The following RTN4 variants were observed in gnomAD, a reference collection of about 807,000 sequenced individuals.
The protein encoded by RTN4 is reticulon 4.
RTN4 carries 32 observed loss-of-function variants against 90.4 expected under a neutral mutation model. That is an observed-to-expected ratio of 0.35 (90% confidence interval 0.27 to 0.48). RTN4 has a LOEUF of 0.48. Among genes scored for constraint, RTN4 ranks in the 20% least tolerant of loss-of-function variants. The pLI, the probability that RTN4 is intolerant of heterozygous loss-of-function variation, is 0.99. For synonymous variants in RTN4, 629 were observed against 552.5 expected (o/e 1.14, Z -1.94); for missense variants, 1,706 against 1,430.2 (o/e 1.19, Z -3.11).
In RTN4 at chr2:55,021,271, A is replaced by G. The variant is rs753552299; in HGVS notation, c.3013+3815T>C. On this transcript the variant is annotated intron_variant, in intron 3 of 8. Transcript: ENST00000337526. Reference sequence around the variant, plus strand: ...CTTTCACGAAGATACACAGGTAAGTACCTATCCTCACTATAACATAGATCA... The same window carrying G: ...CTTTCACGAAGATACACAGGTAAGTGCCTATCCTCACTATAACATAGATCA... Among the ~76,000 whole-genome samples, 7 of 152,098 alleles carry G rather than the reference A, an allele frequency of 4.6e-5. No homozygotes were observed. The South Asian group carries it at 1.5e-3, about 32-fold the overall frequency.
intron 3 of RTN4, among the ~76,000 whole-genome samples, chr2:55,020,910 CA>C (rs1681379354): frequency 6.6e-6 from 1 of 151,994 alleles, no homozygotes; most frequent in Non-Finnish European, 1.5e-5. Flanking sequence ...GGCTGAGGAC[CA>C]CCTGACCCTG....
chr2:55,044,713 G>C (rs1683298349), intron 1 of RTN4, among the ~76,000 whole-genome samples: 1 of 134,226 alleles, frequency 7.5e-6, no homozygotes, highest in Non-Finnish European at 1.6e-5. Flanking sequence ...ATTCCATGCA[G>C]TTATTTATCA....
At chr2:55,036,516 C>T (rs970735281) in intron 1 of RTN4, among the ~76,000 whole-genome samples, 10 of 139,716 alleles carry the variant, frequency 7.2e-5, no homozygotes, top group Admixed American at 1.6e-4. Context: ...GCACAAGAAA[C>T]GCTTGAAACC....
chr2:55,018,801 C>T (rs115780902), intron 3 of RTN4, among the ~76,000 whole-genome samples: 157 of 152,112 alleles, frequency 1.0e-3, no homozygotes, highest in African/African-American at 3.6e-3. Context: ...CTAGCTTTAT[C>T]CACTGAAAGG....
intron 3 of RTN4, among the ~76,000 whole-genome samples, chr2:55,008,674 T>A (rs1448093532): frequency 6.6e-6 from 1 of 152,120 alleles, no homozygotes; most frequent in African/African-American, 2.4e-5. Flanking sequence ...TGGAACTTAA[T>A]TTCTCCTGTC....
the RTN4 span, among the ~76,000 whole-genome samples, chr2:55,135,473 C>T: frequency 6.6e-6 from 1 of 152,186 alleles, no homozygotes; most frequent in Non-Finnish European, 1.5e-5. Context: ...TCCCAAAGTG[C>T]TGGGATTACA....
intron 1 of RTN4, among the ~76,000 whole-genome samples, chr2:55,088,170 G>A (rs1668878070): frequency 6.6e-6 from 1 of 152,242 alleles, no homozygotes; most frequent in African/African-American, 2.4e-5. Flanking sequence ...TAGGACATGG[G>A]CTGCTGGATG....
chr2:55,109,752 C>T (rs1668001918), intron 1 of RTN4, among the ~76,000 whole-genome samples: 1 of 152,168 alleles, frequency 6.6e-6, no homozygotes, highest in East Asian at 1.9e-4. Flanking sequence ...CATATGTTGA[C>T]CCGAGTGCCC....
intron 2 of RTN4, among the ~76,000 whole-genome samples, chr2:55,027,898 G>C (rs1340310258): frequency 1.3e-5 from 2 of 152,144 alleles, no homozygotes; most frequent in Non-Finnish European, 2.9e-5. Context: ...TACTCAAACT[G>C]TATTTGGAGA....
chr2:55,086,802 T>A (rs1668848174), intron 1 of RTN4, among the ~76,000 whole-genome samples: 1 of 151,846 alleles, frequency 6.6e-6, no homozygotes, highest in Non-Finnish European at 1.5e-5. Context: ...TGTCAACCAA[T>A]TTTGCCTTTG....
At chr2:55,075,335 AAAAAC>A (rs1668581828) in intron 2 of RTN4, among the ~76,000 whole-genome samples, 1 of 152,330 alleles carries the variant, frequency 6.6e-6, no homozygotes, top group East Asian at 1.9e-4. Flanking sequence ...AATTGTTGCC[AAAAAC>A]AAAACAAAAC....
At chr2:55,002,872 A>G (rs1016519818) in intron 3 of RTN4, among the ~76,000 whole-genome samples, 50 of 152,300 alleles carry the variant, frequency 3.3e-4, no homozygotes, top group African/African-American at 1.2e-3. Context: ...TGTGGTTATT[A>G]AGTTACTAGA....
At chr2:55,001,014 T>C (rs961246525) in intron 3 of RTN4, among the ~76,000 whole-genome samples, 1 of 152,080 alleles carries the variant, frequency 6.6e-6, no homozygotes, top group Non-Finnish European at 1.5e-5. Context: ...TAATTACATA[T>C]GAACTATAAA....
intron 1 of RTN4, among the ~76,000 whole-genome samples, chr2:55,110,518 T>C (rs1668018983): frequency 6.6e-6 from 1 of 152,022 alleles, no homozygotes; most frequent in Non-Finnish European, 1.5e-5. Flanking sequence ...TCACAGCCAA[T>C]AAAGGCTCAA....
At chr2:55,043,837 G>C (rs968658004) in intron 1 of RTN4, among the ~76,000 whole-genome samples, 2 of 151,954 alleles carry the variant, frequency 1.3e-5, no homozygotes, top group Admixed American at 1.3e-4. Context: ...AGTGAGCCAA[G>C]ATTGCGCCAC....
intron 1 of RTN4, among the ~76,000 whole-genome samples, chr2:55,086,085 A>G (rs1394135920): frequency 1.3e-5 from 2 of 152,206 alleles, no homozygotes; most frequent in Non-Finnish European, 2.9e-5. Context: ...GACACTGTGA[A>G]CAGAAGTAAC....
intron 1 of RTN4, among the ~76,000 whole-genome samples, chr2:55,046,204 C>T (rs1667712122): frequency 6.6e-6 from 1 of 152,214 alleles, no homozygotes; most frequent in Non-Finnish European, 1.5e-5. Flanking sequence ...CTTTGTCTCA[C>T]ATCAGTCCTC....
intron 3 of RTN4, among the ~76,000 whole-genome samples, chr2:55,022,841 G>A (rs1162077632): frequency 1.3e-5 from 2 of 150,084 alleles, no homozygotes; most frequent in South Asian, 2.1e-4. Context: ...GCCTAACACT[G>A]GCCATTATAA....
chr2:55,098,505 T>C (rs1196667719), intron 1 of RTN4, among the ~76,000 whole-genome samples: 1 of 152,122 alleles, frequency 6.6e-6, no homozygotes, highest in Non-Finnish European at 1.5e-5. Context: ...CTCCATTGCA[T>C]ATTATTTTGA....
Sources: allele counts gnomAD v4.1 joint callset (sites outside exome capture counted in the v4.1 genomes callset), GRCh38; gene constraint gnomAD v4.1.1; transcripts MANE v1.5; gene names NCBI Gene and HGNC (gene_info 2026-07-23, HGNC 2026-07-21).